The following KCNIP4 variants were observed in gnomAD, a reference collection of about 807,000 sequenced individuals.
KCNIP4 encodes the protein Kv channel-interacting protein 4.
KCNIP4 carries 12 observed loss-of-function variants against 34.0 expected under a neutral mutation model. That is an observed-to-expected ratio of 0.35 (90% CI 0.23 to 0.57). The LOEUF (loss-of-function observed/expected upper bound fraction) is 0.57. Ranked by LOEUF, KCNIP4 falls within the 20% of genes least tolerant of loss-of-function variation. The pLI is 0.83. For synonymous variants in KCNIP4, 124 were observed against 102.2 expected, an observed-to-expected ratio of 1.21 and a Z score of -1.29; for missense variants, 238 against 311.7, an observed-to-expected ratio of 0.76 and a Z score of 1.78.
At chr4:21,631,951 C>G (rs562473725) in intron 1 of KCNIP4, among the ~76,000 whole-genome samples, 10 of 152,304 alleles carry the variant, frequency 6.6e-5, no homozygotes, top group Non-Finnish European at 8.8e-5. Context: ...ATTCCATCAC[C>G]CTTGCTCTAA....
intron 3 of KCNIP4, among the ~76,000 whole-genome samples, chr4:20,810,966 G>T (rs142821075): frequency 5.3e-5 from 8 of 152,066 alleles, no homozygotes; most frequent in Non-Finnish European, 1.2e-4. Flanking sequence ...TACATATGAC[G>T]TGGACAAAGG....
chr4:21,069,901 T>C (rs925597147), intron 1 of KCNIP4, among the ~76,000 whole-genome samples: 4 of 152,128 alleles, frequency 2.6e-5, no homozygotes, highest in African/African-American at 9.7e-5. Flanking sequence ...AGCAAATGTG[T>C]AGATTTGTGT....
chr4:21,422,317 C>T (rs540706814), intron 1 of KCNIP4, among the ~76,000 whole-genome samples: 45 of 151,984 alleles, frequency 3.0e-4, no homozygotes, highest in African/African-American at 9.9e-4. Flanking sequence ...TCTCCTGCCT[C>T]GGCCTCCTGA....
intron 1 of KCNIP4, among the ~76,000 whole-genome samples, chr4:21,036,972 A>G (rs1366601086): frequency 6.6e-6 from 1 of 152,142 alleles, no homozygotes; most frequent in Non-Finnish European, 1.5e-5. Flanking sequence ...GCCTTGGCTA[A>G]TGTGTGTGTT....
chr4:21,554,305 G>A (rs2109020758), intron 1 of KCNIP4, among the ~76,000 whole-genome samples: 1 of 152,230 alleles, frequency 6.6e-6, no homozygotes, highest in Non-Finnish European at 1.5e-5. Context: ...CAGGCCAGCA[G>A]CAGGGAAAGA....
intron 1 of KCNIP4, among the ~76,000 whole-genome samples, chr4:21,121,643 C>G (rs1750165690): frequency 6.6e-6 from 1 of 152,180 alleles, no homozygotes; most frequent in East Asian, 1.9e-4. Context: ...CCTGTCGGAA[C>G]TACATATTTC....
intron 1 of KCNIP4, among the ~76,000 whole-genome samples, chr4:21,168,875 T>C (rs565301717): frequency 5.9e-4 from 90 of 152,188 alleles, no homozygotes; most frequent in Middle Eastern, 6.8e-3. Context: ...CTGGTGTAGC[T>C]CAAAGATGCT....
chr4:21,635,636 ACAAC>A (rs1188586960), intron 1 of KCNIP4, among the ~76,000 whole-genome samples: 1 of 152,090 alleles, frequency 6.6e-6, no homozygotes, highest in Non-Finnish European at 1.5e-5. Flanking sequence ...AAGTCAGGAA[ACAAC>A]AGGTGCTGGA....
intron 1 of KCNIP4, among the ~76,000 whole-genome samples, chr4:21,224,988 A>G (rs1758272268): frequency 6.6e-6 from 1 of 152,344 alleles, no homozygotes; most frequent in Non-Finnish European, 1.5e-5. Context: ...ATTATAAAAT[A>G]GACCTTGTGT....
chr4:21,067,263 C>G (rs1213582711), intron 1 of KCNIP4, among the ~76,000 whole-genome samples: 4 of 152,174 alleles, frequency 2.6e-5, no homozygotes, highest in Non-Finnish European at 4.4e-5. Flanking sequence ...CTAGGCAATA[C>G]TTGCCTCTGA....
At chr4:21,292,076 G>T (rs771539443) in intron 1 of KCNIP4, among the ~76,000 whole-genome samples, 1 of 152,158 alleles carries the variant, frequency 6.6e-6, no homozygotes, top group Non-Finnish European at 1.5e-5. Flanking sequence ...TTCATCTGTT[G>T]CTTTAAGAGA....
rs1011335582 is a variant in KCNIP4 at position 21,863,260 on chromosome 4, A to T, written c.61+85311T>A. ...ATGGCTAATAAATTCCACGGATTGAATTTTTTTTTTTTTTTTGGCAGATGG... is the reference window on the plus strand; with the variant it reads ...ATGGCTAATAAATTCCACGGATTGATTTTTTTTTTTTTTTTTGGCAGATGG... On this transcript the variant is annotated intron_variant, in intron 1 of 8. Transcript: ENST00000382152. Among the ~76,000 whole-genome samples the T allele has an allele frequency of 6.8e-4, 96 of 141,740 alleles. No homozygotes were observed. The East Asian group carries it at 0.01, about 15-fold the overall frequency. The allele number at this position is 141,740 out of a possible 152,430, so 93.0% of individuals were successfully genotyped here. A position where few individuals can be genotyped will look rare whatever the true frequency, so the allele number is the denominator to read the frequency against.
At chr4:21,699,852 G>GAT (rs1180511702) in intron 1 of KCNIP4, among the ~76,000 whole-genome samples, 1 of 152,140 alleles carries the variant, frequency 6.6e-6, no homozygotes. Context: ...CTATGAAAAG[G>GAT]ATGAACTGCC....
chr4:21,715,859 CT>C (rs1714336120), intron 1 of KCNIP4, among the ~76,000 whole-genome samples: 1 of 152,084 alleles, frequency 6.6e-6, no homozygotes, highest in Non-Finnish European at 1.5e-5. Context: ...TTTCTTTGTG[CT>C]TCTGATATCA....
chr4:21,341,530 T>A (rs35300702), intron 1 of KCNIP4, among the ~76,000 whole-genome samples: 5,035 of 152,010 alleles, frequency 0.033, 212 homozygotes, highest in East Asian at 0.2. Context: ...TCAAGTTTAA[T>A]ATTACATTTT....
At chr4:21,459,004 C>T (rs28416395) in intron 1 of KCNIP4, among the ~76,000 whole-genome samples, 4,501 of 152,114 alleles carry the variant, frequency 0.03, 221 homozygotes, top group African/African-American at 0.1. Context: ...CCTCTTATTT[C>T]CCCTACGTTA....
chr4:21,211,211 T>A (rs1757196153), intron 1 of KCNIP4, among the ~76,000 whole-genome samples: 1 of 152,212 alleles, frequency 6.6e-6, no homozygotes, highest in South Asian at 2.1e-4. Flanking sequence ...GCTCTAGAAA[T>A]GTAAGTTATT....
chr4:21,507,381 C>T (rs12507996), intron 1 of KCNIP4, among the ~76,000 whole-genome samples: 29,872 of 151,696 alleles, frequency 0.2, 3,218 homozygotes, highest in Non-Finnish European at 0.25. Flanking sequence ...TCTCCTGCTT[C>T]TACCTCCCAA....
chr4:21,222,887 G>A (rs1758082728), intron 1 of KCNIP4, among the ~76,000 whole-genome samples: 1 of 152,174 alleles, frequency 6.6e-6, no homozygotes, highest in African/African-American at 2.4e-5. Context: ...CATATAGCAT[G>A]CACAGAAGGT....
Sources: allele counts gnomAD v4.1 joint callset (sites outside exome capture counted in the v4.1 genomes callset), GRCh38; gene constraint gnomAD v4.1.1; transcripts MANE v1.5; gene names NCBI Gene and HGNC (gene_info 2026-07-23, HGNC 2026-07-21).